LRRCC1: variants seen among roughly 807,000 people sequenced by gnomAD.
LRRCC1 encodes the protein leucine-rich repeat and coiled-coil domain-containing protein 1.
LRRCC1 carries 115 observed loss-of-function variants against 126.0 expected under a neutral mutation model. That is an observed-to-expected ratio of 0.91 (90% confidence interval 0.78 to 1.07). The LOEUF is 1.07. LRRCC1 is among the 50% of genes least tolerant of loss of function. The probability of loss-of-function intolerance (pLI) is 0.00; values close to 1 mark genes in which losing one functional copy is unlikely to be tolerated. For synonymous variants in LRRCC1, 400 were observed against 393.4 expected (o/e 1.02, Z -0.20); for missense variants, 1,172 against 1,175.7 (o/e 1.00, Z 0.05).
chr8:85,141,342 C>T (rs750324330), intron 17 of LRRCC1, 40 bp from the exon 18 acceptor site: 1 of 1,554,248 alleles, frequency 6.4e-7, no homozygotes, highest in South Asian at 1.1e-5. Context: ...ATTCACACCA[C>T]ATATACACAT....
intron 3 of LRRCC1, among the ~76,000 whole-genome samples, chr8:85,112,161 C>G (rs1340758619): frequency 6.6e-6 from 1 of 152,112 alleles, no homozygotes; most frequent in Non-Finnish European, 1.5e-5. Flanking sequence ...TACTGGCTAT[C>G]ACTGTGCCTG....
intron 7 of LRRCC1, among the ~76,000 whole-genome samples, chr8:85,124,097 A>G (rs1179111737): frequency 6.6e-6 from 1 of 152,162 alleles, no homozygotes; most frequent in Non-Finnish European, 1.5e-5. Flanking sequence ...AAATGTGAAT[A>G]AGATGATTGT....
chr8:85,126,976 G>C (rs1307479000), intron 9 of LRRCC1, 139 bp downstream of exon 9: 3 of 699,446 alleles, frequency 4.3e-6, no homozygotes, highest in Non-Finnish European at 4.4e-6. Context: ...AATTTTATTA[G>C]ACAATTTAGC....
intron 18 of LRRCC1, among the ~76,000 whole-genome samples, chr8:85,144,037 C>T (rs1022782315): frequency 6.6e-6 from 1 of 151,950 alleles, no homozygotes; most frequent in Non-Finnish European, 1.5e-5. Flanking sequence ...GTTACGATAT[C>T]GTAGGAAAGA....
Position 85,115,123 on chromosome 8 carries a change from A to T in LRRCC1, c.568A>T (p.Thr190Ser), listed in dbSNP as rs1305309543. 2.5e-6 allele frequency: 4 copies of T among 1,606,276 alleles called. No homozygotes were observed. The Admixed American group carries it at 6.9e-5, about 28-fold the overall frequency. Residue 190 changes from threonine (T) to serine (S), a missense_variant, in exon 5 of 19, where the codon ACT (threonine) becomes TCT (serine). Physicochemically the swap from Thr to Ser is moderately conservative, Grantham distance 58. Coordinates refer to ENST00000360375, the MANE Select transcript of LRRCC1 (RefSeq NM_033402.5). ...AGGGTACAGAGCAGTTATTCTCCAG[A>T]CTTTGCCACAGCTTAGAATCCTAGA... ...LPGYRAVILQTLPQLRILDCK... is the reference protein window; with the variant it reads ...LPGYRAVILQSLPQLRILDCK...
intron 6 of LRRCC1, 21 bp downstream of exon 6, chr8:85,115,605 T>A (rs1240706623): frequency 6.8e-7 from 1 of 1,462,330 alleles, no homozygotes; most frequent in Non-Finnish European, 9.5e-7. Context: ...TTCCTACTTC[T>A]CTATAGACAT....
At position 85,130,852 on chromosome 8, in the gene LRRCC1, A is replaced by G. The variant is rs146154346; in HGVS notation, c.1766+794A>G. 7.9e-5 allele frequency among the ~76,000 whole-genome samples: 12 copies of G among 152,372 alleles called. No homozygotes were observed. In the East Asian group the frequency reaches 2.1e-3, roughly 27 times the overall value. The stretch of plus-strand genomic sequence containing the variant: ...GCACAAAAGTAGCCATAGATAATAC[A>G]TAAATGAACGGCATGGCTGTGTTCC... On this transcript the variant is annotated intron_variant, in intron 11 of 18. Transcript: ENST00000360375.
intron 9 of LRRCC1, 107 bp from the exon 10 acceptor site, chr8:85,129,067 AG>A (rs1465823148): frequency 2.5e-6 from 2 of 794,820 alleles, no homozygotes; most frequent in Non-Finnish European, 4.2e-6. Flanking sequence ...AGGAGTTGAG[AG>A]CATGAACAAA....
intron 14 of LRRCC1, among the ~76,000 whole-genome samples, chr8:85,136,394 C>A (rs1034295581): frequency 6.6e-5 from 10 of 152,080 alleles, no homozygotes; most frequent in Non-Finnish European, 1.5e-4. Flanking sequence ...CCTGCCTCAG[C>A]CTCCCGAGTA....
chr8:85,107,456 G>T (rs939681818), intron 1 of LRRCC1, 57 bp downstream of exon 1: 4 of 1,451,866 alleles, frequency 2.8e-6, no homozygotes, highest in African/African-American at 2.9e-5. Context: ...CCGGGGCCAC[G>T]AGTGGCTGGC....
At chr8:85,111,591 C>T (rs183737959) in intron 3 of LRRCC1, among the ~76,000 whole-genome samples, 1 of 151,946 alleles carries the variant, frequency 6.6e-6, no homozygotes, top group Non-Finnish European at 1.5e-5. Flanking sequence ...AGTCACAGGG[C>T]TTACATTATA....
intron 9 of LRRCC1, among the ~76,000 whole-genome samples, chr8:85,127,499 T>C (rs1354374814): frequency 1.3e-5 from 2 of 152,180 alleles, no homozygotes; most frequent in African/African-American, 4.8e-5. Flanking sequence ...GAGCACTAGG[T>C]TTTTAGACTT....
intron 18 of LRRCC1, among the ~76,000 whole-genome samples, chr8:85,142,847 A>AG (rs1491165056): frequency 9.9e-5 from 8 of 80,540 alleles, no homozygotes; most frequent in Non-Finnish European, 2.2e-4. Flanking sequence ...AAAAAAAAAA[A>AG]GAAAAGAAAA....
At chr8:85,128,299 C>G (rs1436375319) in intron 9 of LRRCC1, among the ~76,000 whole-genome samples, 1 of 152,150 alleles carries the variant, frequency 6.6e-6, no homozygotes, top group Non-Finnish European at 1.5e-5. Context: ...AACTGGAAGA[C>G]TTTGGGCACA....
intron 18 of LRRCC1, among the ~76,000 whole-genome samples, chr8:85,144,464 ATATATATATAT>A (rs760243171): frequency 0.015 from 464 of 31,102 alleles, 3 homozygotes; most frequent in Middle Eastern, 0.037. Context: ...ATATATATAT[ATATATATATAT>A]TTTTTTTTTT....
Position 85,118,225 on chromosome 8 carries a change from T to A in LRRCC1, c.930+2641T>A, listed in dbSNP as rs116960772. 2.1e-3 allele frequency among the ~76,000 whole-genome samples: 319 copies of A among 152,234 alleles called. 1 individual carries two copies. Among genetic ancestry groups the A allele is most frequent in the South Asian group, 7.7e-3 (37 of 4,832 alleles). On this transcript the variant is annotated intron_variant, in intron 6 of 18. Transcript: ENST00000360375. The stretch of plus-strand genomic sequence containing the variant: ...TATATCAGTAGTTCTTATTTCTATG[T>A]AGTATGCCATTCTATGAATATATTA...
At position 85,123,506 on chromosome 8, in the gene LRRCC1, G is replaced by T. The variant is rs1162762094; in HGVS notation, c.1024G>T (p.Glu342Ter). The T allele has an allele frequency of 1.3e-5, 21 of 1,611,100 alleles. No homozygotes were observed. Among genetic ancestry groups the T allele is most frequent in the African/African-American group, 2.7e-5 (2 of 74,686 alleles). ...TGAAAGTGACTATGGAAACAGAAAAGAATGCAATAGAAAAGTTCCTCGAAG... is the reference window on the plus strand; with the variant it reads ...TGAAAGTGACTATGGAAACAGAAAATAATGCAATAGAAAAGTTCCTCGAAG... ...TSESDYGNRK[E>*]CNRKVPRRSK... The change falls in exon 7 of 19, where the codon GAA becomes TAA. Residue 342 changes from glutamate to a stop codon, truncating the protein, a stop_gained. Transcript: ENST00000360375. LOFTEE classifies it high-confidence loss of function.
intron 14 of LRRCC1, among the ~76,000 whole-genome samples, chr8:85,136,766 T>C (rs1044483454): frequency 1.4e-4 from 21 of 152,250 alleles, no homozygotes; most frequent in African/African-American, 4.8e-4. Flanking sequence ...TACTGGTTTC[T>C]TTTGTTTTGT....
At chr8:85,107,541 C>T (rs538096212) in intron 1 of LRRCC1, 142 bp downstream of exon 1, 92 of 676,408 alleles carry the variant, frequency 1.4e-4, no homozygotes, top group Non-Finnish European at 2.0e-4. Context: ...TCGGCCTCCC[C>T]GCTCCTCCAA....
Sources: gnomAD v4.1 joint callset for allele counts (sites outside exome capture counted in the v4.1 genomes callset) on GRCh38, gnomAD v4.1.1 for gene constraint, MANE v1.5 for transcripts, NCBI Gene and HGNC (gene_info 2026-07-23, HGNC 2026-07-21) for gene names.